AP2A2: variants seen among roughly 807,000 people sequenced by gnomAD.
AP2A2 encodes the protein AP-2 complex subunit alpha-2.
A neutral mutation model predicts 104.2 loss-of-function variants in AP2A2; 32 were observed. That is an observed-to-expected ratio of 0.31 (90% CI 0.23 to 0.41). The LOEUF (loss-of-function observed/expected upper bound fraction) is 0.41. Ranked by LOEUF, AP2A2 falls within the 10% of genes least tolerant of loss-of-function variation. AP2A2 has a pLI of 1.00. For missense variants in AP2A2, 912 were observed against 1,261.0 expected (o/e 0.72, Z 4.19); for synonymous variants, 539 against 533.3 (o/e 1.01, Z -0.15).
intron 1 of AP2A2, 27 bp downstream of exon 1, chr11:926,115 G>A (rs759764543): frequency 8.0e-7 from 1 of 1,255,018 alleles, no homozygotes; most frequent in Non-Finnish European, 1.0e-6. Flanking sequence ...GCGTGGGGCC[G>A]GGGCCGGGGC....
chr11:997,368 C>T (rs1437489106), intron 14 of AP2A2, among the ~76,000 whole-genome samples: 1 of 152,152 alleles, frequency 6.6e-6, no homozygotes, highest in Non-Finnish European at 1.5e-5. Context: ...AAACCTTCAC[C>T]CCTCAAGTTG....
At position 1,010,964 on chromosome 11, in the gene AP2A2, C is replaced by T. The variant is rs752047868; in HGVS notation, c.*339C>T. On this transcript the variant is annotated 3_prime_UTR_variant, in exon 22 of 22. Transcript: ENST00000448903. ...GTTTGTGGGAGTGTCACTGAGATGGCCCGTGCTGCCGCCCACCCCGCCTCG... is the reference window on the plus strand; with the variant it reads ...GTTTGTGGGAGTGTCACTGAGATGGTCCGTGCTGCCGCCCACCCCGCCTCG... 9 of 724,636 alleles carry T rather than the reference C, an allele frequency of 1.2e-5. No individual in the cohort carries two copies. Among genetic ancestry groups the T allele is most frequent in the South Asian group, 7.0e-5 (5 of 71,590 alleles). 44.9% of individuals were successfully genotyped at this position (724,636 alleles called of 1,614,324 possible). A position where few individuals can be genotyped will look rare whatever the true frequency, so the allele number is the denominator to read the frequency against.
intron 7 of AP2A2, 122 bp from the exon 8 acceptor site, chr11:985,313 G>A: frequency 7.7e-7 from 1 of 1,298,948 alleles, no homozygotes; most frequent in East Asian, 2.4e-5. Flanking sequence ...TTCCAGCTGG[G>A]TACACAAATG....
intron 1 of AP2A2, among the ~76,000 whole-genome samples, chr11:948,785 T>G (rs1853937979): frequency 6.6e-6 from 1 of 151,766 alleles, no homozygotes; most frequent in South Asian, 2.1e-4. Flanking sequence ...GAGAATCTCT[T>G]GAACCCAGGA....
chr11:999,080 C>T (rs927208636), intron 14 of AP2A2, among the ~76,000 whole-genome samples: 3 of 152,206 alleles, frequency 2.0e-5, no homozygotes, highest in African/African-American at 7.2e-5. Context: ...CAGGTCTGAG[C>T]TCCCAAAGTC....
At chr11:935,603 GTTTTTTTT>G (rs757190222) in intron 1 of AP2A2, among the ~76,000 whole-genome samples, 12 of 77,988 alleles carry the variant, frequency 1.5e-4, no homozygotes, top group Non-Finnish European at 2.2e-4. Context: ...TGCCCGGCCA[GTTTTTTTT>G]TTTTTTTTTT....
Position 1,006,258 on chromosome 11 carries a change from C to T in AP2A2, c.2207-270C>T, listed in dbSNP as rs181003074. Among the ~76,000 whole-genome samples, 342 of 152,326 alleles carry T rather than the reference C, an allele frequency of 2.2e-3. 3 individuals carry two copies. The highest frequency in any genetic ancestry group is 7.4e-3 in the African/African-American group (308 of 41,562). On this transcript the variant is annotated intron_variant, in intron 16 of 21. Transcript: ENST00000448903. Reference sequence around the variant, plus strand: ...CATATGCGTGTGATCTCACCCATCCCGTGTGGGTGCGCAGGAGGGGCCGAG... The same window carrying T: ...CATATGCGTGTGATCTCACCCATCCTGTGTGGGTGCGCAGGAGGGGCCGAG...
chr11:991,480 C>T (rs1046269277), intron 10 of AP2A2, among the ~76,000 whole-genome samples: 10 of 152,038 alleles, frequency 6.6e-5, no homozygotes, highest in Admixed American at 2.0e-4. Flanking sequence ...GCAGAGCATC[C>T]GTTCGTGGAG....
intron 1 of AP2A2, chr11:932,911 T>G: frequency 2.8e-6 from 1 of 358,366 alleles, no homozygotes; most frequent in South Asian, 2.1e-5. Context: ...GTCAAGATTT[T>G]GTAGTAGAAG....
intron 14 of AP2A2, among the ~76,000 whole-genome samples, chr11:999,175 TGTG>T (rs977361304): frequency 9.2e-5 from 14 of 152,248 alleles, no homozygotes; most frequent in Non-Finnish European, 1.9e-4. Context: ...TGTGCCCTGT[TGTG>T]AGAGTTTAAT....
intron 1 of AP2A2, among the ~76,000 whole-genome samples, chr11:938,166 C>T (rs574797546): frequency 2.0e-5 from 3 of 152,318 alleles, no homozygotes; most frequent in Non-Finnish European, 4.4e-5. Context: ...GGGCCTCTCA[C>T]CTGGGTCGCC....
chr11:1,002,479 G>A (rs892424220), intron 15 of AP2A2, among the ~76,000 whole-genome samples: 1 of 152,268 alleles, frequency 6.6e-6, no homozygotes, highest in Non-Finnish European at 1.5e-5. Flanking sequence ...GGCTGCAGCC[G>A]GACCAGCAGC....
intron 2 of AP2A2, 126 bp downstream of exon 2, chr11:959,631 A>G (rs541454711): frequency 6.9e-5 from 47 of 681,236 alleles, no homozygotes; most frequent in African/African-American, 9.1e-5. Context: ...TACAGTTTCT[A>G]TCAGGGCCCT....
chr11:1,007,956 C>A, intron 17 of AP2A2, 56 bp from the exon 18 acceptor site: 1 of 1,550,434 alleles, frequency 6.4e-7, no homozygotes, highest in Non-Finnish European at 8.7e-7. Context: ...TCTAGCCCGG[C>A]CCGTTTCCGC....
chr11:967,758 G>T (rs1257852699), intron 2 of AP2A2, among the ~76,000 whole-genome samples: 9 of 152,158 alleles, frequency 5.9e-5, no homozygotes, highest in Non-Finnish European at 5.9e-5. Context: ...GCATCTTTCA[G>T]ACTGGAGCCC....
rs1406532589 is a variant in AP2A2 at position 977,160 on chromosome 11, C to T, written c.539C>T (p.Pro180Leu). 6.2e-7 allele frequency: 1 copy of T among 1,613,194 alleles called. No individual in the cohort carries two copies. Among genetic ancestry groups the T allele is most frequent in the Non-Finnish European group, 8.5e-7 (1 of 1,179,496 alleles). Residue 180 changes from proline to leucine, a missense_variant, in exon 5 of 22, where the codon CCC becomes CTC. Physicochemically the swap from Pro to Leu is moderately conservative, Grantham distance 98 (BLOSUM62 -3). Around this residue, in one of 7 missense-constraint regions of AP2A2, gnomAD observed 350 missense variants for 487.0 expected, o/e 0.72. Coordinates refer to ENST00000448903, the MANE Select transcript of AP2A2 (RefSeq NM_012305.4). ...TTGCTGCGCCTGTACAGGACGTCCCCCGATCTTGTCCCCATGGGCGACTGG... is the reference window on the plus strand; with the variant it reads ...TTGCTGCGCCTGTACAGGACGTCCCTCGATCTTGTCCCCATGGGCGACTGG... The part of the protein sequence containing the change: ...LCLLRLYRTS[P>L]DLVPMGDWTS...
At chr11:938,223 G>A (rs1004446899) in intron 1 of AP2A2, among the ~76,000 whole-genome samples, 19 of 152,140 alleles carry the variant, frequency 1.2e-4, no homozygotes, top group African/African-American at 4.6e-4. Context: ...CCTTACAGAT[G>A]CTGCCTTGGC....
intron 2 of AP2A2, among the ~76,000 whole-genome samples, chr11:962,095 C>A (rs1323224998): frequency 6.6e-6 from 1 of 152,262 alleles, no homozygotes; most frequent in Admixed American, 6.5e-5. Flanking sequence ...GGTGGTGGCA[C>A]TGGGTTGAAA....
Position 1,011,583 on chromosome 11 carries a change from C to A in AP2A2, c.*958C>A. The A allele has an allele frequency of 2.3e-6, 1 of 441,148 alleles. No homozygotes were observed. The highest frequency in any genetic ancestry group is 4.6e-6 in the Non-Finnish European group (1 of 218,984). 27.3% of individuals were successfully genotyped at this position (441,148 alleles called of 1,614,324 possible). A position where few individuals can be genotyped will look rare whatever the true frequency, so the allele number is the denominator to read the frequency against. Reference sequence around the variant, plus strand: ...TGTCTCACCTGTCATCTGGACTCAGCACCCAGGCTGCACGTCTGACACCTG... The same window carrying A: ...TGTCTCACCTGTCATCTGGACTCAGAACCCAGGCTGCACGTCTGACACCTG... On this transcript the variant is annotated 3_prime_UTR_variant, in exon 22 of 22. Transcript: ENST00000448903.
Sources: gnomAD v4.1 joint callset for allele counts (sites outside exome capture counted in the v4.1 genomes callset) on GRCh38, gnomAD v4.1.1 for gene constraint, gnomAD v4.1.1 regional missense constraint, MANE v1.5 for transcripts, NCBI Gene and HGNC (gene_info 2026-07-23, HGNC 2026-07-21) for gene names.